DLG2: variants seen among roughly 807,000 people sequenced by gnomAD.
The protein encoded by DLG2 is disks large homolog 2.
In DLG2, 45 loss-of-function variants were observed where a neutral mutation model predicts 132.5. The observed-to-expected ratio is 0.34, with a 90% CI of 0.27 to 0.44. The LOEUF (loss-of-function observed/expected upper bound fraction) is 0.44, where lower values mean the gene tolerates loss of function less well. DLG2 is among the 20% of genes least tolerant of loss of function. The pLI is 1.00. For missense variants in DLG2, 1,045 were observed against 1,196.9 expected, an observed-to-expected ratio of 0.87 and a Z score of 1.87; for synonymous variants, 424 against 419.6, an observed-to-expected ratio of 1.01 and a Z score of -0.13.
intron 9 of DLG2, among the ~76,000 whole-genome samples, chr11:84,128,781 A>G (rs1385076560): frequency 1.3e-5 from 2 of 152,072 alleles, no homozygotes; most frequent in East Asian, 3.9e-4. Context: ...AGCTGGGTAA[A>G]CCAAAAAATC....
At chr11:84,123,105 G>A (rs1367711069) in intron 9 of DLG2, among the ~76,000 whole-genome samples, 2 of 152,156 alleles carry the variant, frequency 1.3e-5, no homozygotes, top group African/African-American at 4.8e-5. Flanking sequence ...GAGTTTAAAA[G>A]TCAGTCCTCA....
chr11:84,861,475 C>T (rs1010139105), intron 6 of DLG2, among the ~76,000 whole-genome samples: 1 of 151,786 alleles, frequency 6.6e-6, no homozygotes. Context: ...CTAGAGGAGG[C>T]TTAAGGGATA....
chr11:85,599,346 C>G (rs2079994015), intron 2 of DLG2, among the ~76,000 whole-genome samples: 1 of 149,422 alleles, frequency 6.7e-6, no homozygotes, highest in Non-Finnish European at 1.5e-5. Context: ...CCACCTCTCT[C>G]TTTCTCTCTC....
chr11:85,086,811 A>G (rs1281730194), intron 6 of DLG2, among the ~76,000 whole-genome samples: 2 of 152,224 alleles, frequency 1.3e-5, no homozygotes, highest in African/African-American at 4.8e-5. Flanking sequence ...CAATCATAGC[A>G]AGAGTGGCAA....
chr11:84,524,849 TC>T lies in DLG2; in HGVS notation c.519+9720del, dbSNP rs1252884411. Among the ~76,000 whole-genome samples, 716 of 139,800 alleles carry T rather than the reference TC, an allele frequency of 5.1e-3. 3 individuals are homozygous for T. Among genetic ancestry groups the T allele is most frequent in the African/African-American group, 0.017 (662 of 39,714 alleles). 91.7% of individuals were successfully genotyped at this position (139,800 alleles called of 152,430 possible). On this transcript the variant is annotated intron_variant, in intron 7 of 27. Transcript: ENST00000376104. ...GGTCAAATGTAACTCATAGGGTATT[TC>T]TTTTTTTTTTTTTTTTAAATTAATC...
intron 7 of DLG2, among the ~76,000 whole-genome samples, chr11:84,517,685 A>T (rs192372397): frequency 3.1e-4 from 47 of 152,160 alleles, no homozygotes; most frequent in African/African-American, 8.2e-4. Context: ...TATGTTGAAG[A>T]TATAGCTGCA....
At chr11:84,071,265 T>C (rs1239322558) in intron 10 of DLG2, among the ~76,000 whole-genome samples, 1 of 151,784 alleles carries the variant, frequency 6.6e-6, no homozygotes, top group Non-Finnish European at 1.5e-5. Context: ...TTTTTTTTTA[T>C]TTTTATTTTT....
At chr11:83,911,762 C>T (rs554805284) in intron 15 of DLG2, among the ~76,000 whole-genome samples, 6 of 151,792 alleles carry the variant, frequency 4.0e-5, no homozygotes, top group African/African-American at 1.2e-4. Flanking sequence ...AATGAATCAG[C>T]GAAAATAGTG....
chr11:85,027,087 G>A (rs1337141579), intron 6 of DLG2, among the ~76,000 whole-genome samples: 1 of 143,686 alleles, frequency 7.0e-6, no homozygotes, highest in East Asian at 2.1e-4. Flanking sequence ...GTCGCTAAAA[G>A]AAAGCAGAAC....
chr11:85,377,833 A>G (rs2085546528), intron 3 of DLG2, among the ~76,000 whole-genome samples: 1 of 147,814 alleles, frequency 6.8e-6, no homozygotes, highest in Admixed American at 6.8e-5. Flanking sequence ...GTATACATAT[A>G]TATGTGTGTA....
At chr11:85,601,054 C>T (rs901917599) in intron 2 of DLG2, among the ~76,000 whole-genome samples, 5 of 151,994 alleles carry the variant, frequency 3.3e-5, no homozygotes, top group South Asian at 2.1e-4. Flanking sequence ...GCTTATCCAC[C>T]GCACAAATAC....
chr11:85,017,288 T>A (rs546355429), intron 6 of DLG2, among the ~76,000 whole-genome samples: 1 of 152,266 alleles, frequency 6.6e-6, no homozygotes, highest in South Asian at 2.1e-4. Flanking sequence ...TCTCCAGTTG[T>A]ATACCAATTT....
At chr11:84,954,104 C>T (rs945248593) in intron 6 of DLG2, among the ~76,000 whole-genome samples, 4 of 152,102 alleles carry the variant, frequency 2.6e-5, no homozygotes, top group Non-Finnish European at 5.9e-5. Context: ...CAGTCTTGGT[C>T]ACGGTGACTC....
rs1321683476 is a variant in DLG2, at chr11:83,820,971, G to A, written c.1722+12643C>T. 2.0e-5 allele frequency among the ~76,000 whole-genome samples: 3 copies of A among 152,154 alleles called. No individual in the cohort carries two copies. The East Asian group carries it at 5.8e-4, about 29-fold the overall frequency. On this transcript the variant is annotated intron_variant, in intron 17 of 27. Coordinates refer to ENST00000376104, the MANE Select transcript of DLG2 (RefSeq NM_001142699.3). Reference sequence around the variant, plus strand: ...CTGAGAATTTCAGGGAAAAAACTTAGAACAAAATCTCCAAAAGCTTTCCTT... The same window carrying A: ...CTGAGAATTTCAGGGAAAAAACTTAAAACAAAATCTCCAAAAGCTTTCCTT...
intron 3 of DLG2, among the ~76,000 whole-genome samples, chr11:85,403,505 T>A (rs531407447): frequency 8.1e-4 from 122 of 150,996 alleles, no homozygotes; most frequent in Admixed American, 5.0e-3. Flanking sequence ...AAATTAAATT[T>A]AAAAAAAAGA....
At chr11:84,951,158 G>A (rs753517527) in intron 6 of DLG2, among the ~76,000 whole-genome samples, 10 of 152,168 alleles carry the variant, frequency 6.6e-5, no homozygotes, top group Non-Finnish European at 1.3e-4. Context: ...TAAAAACTGT[G>A]CTTCTAGTTA....
chr11:84,880,983 G>A (rs190568127), intron 6 of DLG2, among the ~76,000 whole-genome samples: 28 of 152,118 alleles, frequency 1.8e-4, no homozygotes, highest in African/African-American at 6.7e-4. Context: ...AGATCTTTAC[G>A]TTTTCGTGGG....
chr11:83,976,688 C>G (rs1336275263), intron 12 of DLG2, among the ~76,000 whole-genome samples: 2 of 151,804 alleles, frequency 1.3e-5, no homozygotes, highest in African/African-American at 4.8e-5. Flanking sequence ...CTTGGAAGTA[C>G]TAATTCTGTC....
In DLG2 at chr11:83,957,790, A is replaced by G. The variant is rs188065744; in HGVS notation, c.1340+5095T>C. ...ACACAGTAAACTTATTCCTGCCTCAATGACTTTGGCTTTGCTATTCCCTCT... is the reference window on the plus strand; with the variant it reads ...ACACAGTAAACTTATTCCTGCCTCAGTGACTTTGGCTTTGCTATTCCCTCT... On this transcript the variant is annotated intron_variant, in intron 14 of 27. Transcript: ENST00000376104. 6.6e-5 allele frequency among the ~76,000 whole-genome samples: 10 copies of G among 152,186 alleles called. No individual in the cohort carries two copies. In the East Asian group the frequency reaches 1.7e-3, roughly 26 times the overall value.
Sources: allele counts gnomAD v4.1 joint callset (sites outside exome capture counted in the v4.1 genomes callset), GRCh38; gene constraint gnomAD v4.1.1; transcripts MANE v1.5; gene names NCBI Gene and HGNC (gene_info 2026-07-23, HGNC 2026-07-21).